COL4A6: variants seen among roughly 807,000 people sequenced by gnomAD.
COL4A6 encodes the protein collagen type IV alpha 6 chain, also known as collagen alpha-6(IV) chain.
In COL4A6, 59 loss-of-function variants were observed where a neutral mutation model predicts 126.7. The observed-to-expected ratio is 0.47, with a 90% confidence interval of 0.38 to 0.58. COL4A6 has a LOEUF of 0.58. Ranked by LOEUF, COL4A6 falls within the 20% of genes least tolerant of loss-of-function variation. The probability of loss-of-function intolerance (pLI) is 0.00; values close to 1 mark genes in which losing one functional copy is unlikely to be tolerated. For missense variants in COL4A6, 1,285 were observed against 1,337.3 expected (o/e 0.96, Z 0.61); for synonymous variants, 547 against 496.6 (o/e 1.10, Z -1.35).
chrX:108,180,053 T>C (rs1214577056), intron 25 of COL4A6, among the ~76,000 whole-genome samples: 1 of 110,491 alleles, frequency 9.1e-6, no homozygotes, highest in African/African-American at 3.3e-5. Context: ...CAGTGAAGAA[T>C]CATGAAGCTC....
intron 3 of COL4A6, among the ~76,000 whole-genome samples, chrX:108,273,510 T>C (rs1235989588): frequency 8.9e-6 from 1 of 112,073 alleles, no homozygotes; most frequent in Non-Finnish European, 1.9e-5. Flanking sequence ...TAAATCATGC[T>C]ACTATAAAGA....
At chrX:108,263,726 C>T (rs1362735335) in intron 3 of COL4A6, among the ~76,000 whole-genome samples, 1 of 111,891 alleles carries the variant, frequency 8.9e-6, no homozygotes, top group Non-Finnish European at 1.9e-5. Context: ...TTGAATCTCA[C>T]CTCCAGATAA....
chrX:108,193,721 C>T (rs368593479), intron 16 of COL4A6, 24 bp from the exon 17 acceptor site: 605 of 1,139,872 alleles, frequency 5.3e-4, no homozygotes, highest in Non-Finnish European at 6.8e-4. Flanking sequence ...GTACATTAAA[C>T]ACAAATATTT....
At chrX:108,400,707 T>C (rs1325713834) in intron 2 of COL4A6, among the ~76,000 whole-genome samples, 1 of 111,739 alleles carries the variant, frequency 8.9e-6, no homozygotes, top group African/African-American at 3.2e-5. Context: ...TGTATGTGTA[T>C]GAATGTGTAT....
At chrX:108,255,983 G>T (rs2036993189) in intron 3 of COL4A6, among the ~76,000 whole-genome samples, 1 of 111,068 alleles carries the variant, frequency 9.0e-6, no homozygotes. Flanking sequence ...AGGAGACCTA[G>T]TCTCAGCTCT....
At chrX:108,324,355 C>G (rs2039101889) in intron 2 of COL4A6, among the ~76,000 whole-genome samples, 1 of 111,883 alleles carries the variant, frequency 8.9e-6, no homozygotes, top group African/African-American at 3.2e-5. Context: ...GAGACAAATA[C>G]AGGTCATTTC....
chrX:108,307,496 T>C (rs2038654956), intron 3 of COL4A6, among the ~76,000 whole-genome samples: 1 of 112,255 alleles, frequency 8.9e-6, no homozygotes, highest in South Asian at 3.7e-4. Context: ...AAGGGTTGGA[T>C]TGCAGTTTTG....
intron 2 of COL4A6, among the ~76,000 whole-genome samples, chrX:108,424,509 C>T (rs968953963): frequency 6.6e-4 from 73 of 111,062 alleles, no homozygotes; most frequent in African/African-American, 2.4e-3. Flanking sequence ...TTCTTTAAGA[C>T]CCAGCAAGAA....
intron 2 of COL4A6, among the ~76,000 whole-genome samples, chrX:108,335,795 G>C (rs1023324708): frequency 1.8e-5 from 2 of 111,006 alleles, no homozygotes; most frequent in African/African-American, 6.5e-5. Context: ...ACTTGTCTGT[G>C]ATGCTGACTA....
chrX:108,160,057 T>G (rs973840375), intron 43 of COL4A6, among the ~76,000 whole-genome samples: 3 of 112,528 alleles, frequency 2.7e-5, no homozygotes, highest in African/African-American at 9.7e-5. Flanking sequence ...AGACAACAAT[T>G]AATTCTCAGG....
chrX:108,430,814 C>T (rs1233441410), intron 2 of COL4A6, among the ~76,000 whole-genome samples: 1 of 111,635 alleles, frequency 9.0e-6, no homozygotes, highest in East Asian at 2.8e-4. Flanking sequence ...ACAATTTCAC[C>T]TTTAACTATA....
At chrX:108,324,894 C>G (rs182872745) in intron 2 of COL4A6, among the ~76,000 whole-genome samples, 2 of 112,101 alleles carry the variant, frequency 1.8e-5, no homozygotes, top group Admixed American at 1.9e-4. Context: ...GCAAATACAC[C>G]AGGACCTCTG....
intron 3 of COL4A6, among the ~76,000 whole-genome samples, chrX:108,299,467 C>T (rs1222416392): frequency 9.0e-6 from 1 of 111,103 alleles, no homozygotes; most frequent in Non-Finnish European, 1.9e-5. Flanking sequence ...CCTCTCTGGG[C>T]CCCACAGCAT....
In COL4A6 at chrX:108,159,631, G is replaced by A. The variant is rs776513775; in HGVS notation, c.4643C>T (p.Ala1548Val). The change falls in exon 44 of 45, where the codon GCC becomes GTC. Residue 1548 changes from alanine (A) to valine (V), a missense_variant. Coordinates refer to ENST00000334504, the MANE Select transcript of COL4A6 (RefSeq NM_033641.4). ...GCTGACGGGCATCATGGGGATAGGG[G>A]CGGTAGTGGAGAGCCAGTAAGATTT... ...NDKSYWLSTT[A>V]PIPMMPVSQT... 4.1e-6 allele frequency: 5 copies of A among 1,211,030 alleles called. No individual in the cohort carries two copies. In the South Asian group the frequency reaches 5.3e-5, roughly 13 times the overall value.
At chrX:108,199,085 T>A (rs2035310307) in intron 13 of COL4A6, among the ~76,000 whole-genome samples, 1 of 111,438 alleles carries the variant, frequency 9.0e-6, no homozygotes, top group African/African-American at 3.3e-5. Flanking sequence ...GTTTGGTCAC[T>A]GCAGAGGGGC....
intron 3 of COL4A6, among the ~76,000 whole-genome samples, chrX:108,239,332 T>A (rs1021655015): frequency 3.5e-4 from 39 of 112,410 alleles, no homozygotes; most frequent in African/African-American, 1.2e-3. Context: ...ACATTTAGGT[T>A]TGTAATCTAT....
intron 3 of COL4A6, among the ~76,000 whole-genome samples, chrX:108,292,396 C>T (rs2038184131): frequency 8.9e-6 from 1 of 112,151 alleles, no homozygotes; most frequent in Non-Finnish European, 1.9e-5. Flanking sequence ...GGGACTATTT[C>T]TGTAGCATCT....
chrX:108,162,241 T>G (rs2033968426), intron 41 of COL4A6, among the ~76,000 whole-genome samples: 1 of 110,242 alleles, frequency 9.1e-6, no homozygotes, highest in African/African-American at 3.3e-5. Context: ...TCCCCGCTAC[T>G]CCGGAGGCTG....
At chrX:108,390,970 C>T (rs1288699659) in intron 2 of COL4A6, among the ~76,000 whole-genome samples, 1 of 111,475 alleles carries the variant, frequency 9.0e-6, no homozygotes, top group African/African-American at 3.3e-5. Flanking sequence ...AATAGTCAGG[C>T]CCCTCTGCTG....
Sources: gnomAD v4.1 joint callset for allele counts (sites outside exome capture counted in the v4.1 genomes callset) on GRCh38, gnomAD v4.1.1 for gene constraint, MANE v1.5 for transcripts, NCBI Gene and HGNC (gene_info 2026-07-23, HGNC 2026-07-21) for gene names.